NSD3: variants seen among roughly 807,000 people sequenced by gnomAD.
The protein encoded by NSD3 is nuclear receptor binding SET domain protein 3, also known as histone-lysine N-methyltransferase NSD3.
A neutral mutation model predicts 160.8 loss-of-function variants in NSD3; 24 were observed. The observed-to-expected ratio is 0.15, with a 90% CI of 0.11 to 0.21. The LOEUF (loss-of-function observed/expected upper bound fraction) is 0.21. Among genes scored for constraint, NSD3 ranks in the 10% least tolerant of loss-of-function variants. The pLI, the probability that NSD3 is intolerant of heterozygous loss-of-function variation, is 1.00. For synonymous variants in NSD3, 520 were observed against 600.0 expected, an observed-to-expected ratio of 0.87 and a Z score of 1.95; for missense variants, 1,157 against 1,735.9, an observed-to-expected ratio of 0.67 and a Z score of 5.93.
intron 3 of NSD3, among the ~76,000 whole-genome samples, chr8:38,338,035 C>A (rs1435523576): frequency 6.6e-6 from 1 of 152,176 alleles, no homozygotes; most frequent in Non-Finnish European, 1.5e-5. Flanking sequence ...GGCGCGGTGG[C>A]TCACGCCTGT....
chr8:38,346,050 G>C (rs1810515333), intron 2 of NSD3, among the ~76,000 whole-genome samples: 1 of 151,754 alleles, frequency 6.6e-6, no homozygotes, highest in Non-Finnish European at 1.5e-5. Context: ...ATTGCAAAAT[G>C]ACTACTAGAA....
rs1027800441 is a variant in NSD3 at position 38,321,414 on chromosome 8, T to C, written c.1709-242A>G. Among the ~76,000 whole-genome samples the C allele has an allele frequency of 1.3e-5, 2 of 152,166 alleles. No homozygotes were observed. Among genetic ancestry groups the C allele is most frequent in the African/African-American group, 4.8e-5 (2 of 41,436 alleles). ...CCTAAATTATACAAATAAAGGGGGATTGGTTTTTTAAAAATTGAAAAGTCA... is the reference window on the plus strand; with the variant it reads ...CCTAAATTATACAAATAAAGGGGGACTGGTTTTTTAAAAATTGAAAAGTCA... On this transcript the variant is annotated intron_variant, in intron 7 of 23. Transcript: ENST00000317025. The surrounding 1 kb of genome is among the most constrained non-coding windows in gnomAD (Gnocchi z 4.7).
Position 38,275,651 on chromosome 8 carries a change from ACTT to A in NSD3, c.4301_4303del (p.Glu1434del), listed in dbSNP as rs764324429. 52 of 1,613,580 alleles carry A rather than the reference ACTT, an allele frequency of 3.2e-5. No individual in the cohort carries two copies. Among genetic ancestry groups the A allele is most frequent in the Non-Finnish European group, 4.2e-5 (49 of 1,179,798 alleles). ...GGGGACACCACACATTTATTCTTTT[ACTT>A]CTTCTCCATGATCTTGTGATTCCCA... On this transcript the variant is annotated inframe_deletion, in exon 24 of 24. Transcript: ENST00000317025.
At chr8:38,340,909 T>C (rs1023377491) in intron 2 of NSD3, among the ~76,000 whole-genome samples, 3 of 152,128 alleles carry the variant, frequency 2.0e-5, no homozygotes, top group African/African-American at 7.2e-5. Flanking sequence ...GGCTCACACC[T>C]GTCAGTACTT....
intron 1 of NSD3, among the ~76,000 whole-genome samples, chr8:38,359,690 T>C (rs1180360233): frequency 1.3e-5 from 2 of 152,234 alleles, no homozygotes; most frequent in Non-Finnish European, 2.9e-5. Context: ...TTTGGTACAG[T>C]GACTATACAA....
intron 5 of NSD3, among the ~76,000 whole-genome samples, chr8:38,330,999 C>T (rs781086167): frequency 6.6e-6 from 1 of 152,116 alleles, no homozygotes; most frequent in Non-Finnish European, 1.5e-5. Flanking sequence ...TGCTTAAAAG[C>T]ATACCTGTTT....
intron 1 of NSD3, among the ~76,000 whole-genome samples, chr8:38,373,934 CAAAAAAAAAA>C (rs61532119): frequency 3.2e-4 from 8 of 25,146 alleles, no homozygotes; most frequent in African/African-American, 1.1e-3. Flanking sequence ...TCTGTCTCTA[CAAAAAAAAAA>C]AAAAAAAAAA....
chr8:38,290,530 T>G lies in NSD3; in HGVS notation c.3063A>C (p.Glu1021Asp), dbSNP rs1687374939. ...VHQGRVFPYV[E>D]GDKSFAEGQT... ...GCCCTTCAGCAAAGCTTTTGTCTCC[T>G]TCAACATAAGGGAACACTCTGCCCT... The change falls in exon 17 of 24, where the codon GAA becomes GAC. Residue 1021 changes from glutamate to aspartate, a missense_variant. By Grantham distance (45) the Glu-to-Asp change is conservative. This residue lies in a region of NSD3 where 437 missense variants were observed against 576.6 expected (regional missense o/e 0.76). Transcript: ENST00000317025. The G allele has an allele frequency of 6.2e-7, 1 of 1,614,044 alleles. No homozygotes were observed. The highest frequency in any genetic ancestry group is 8.5e-7 in the Non-Finnish European group (1 of 1,180,032).
chr8:38,318,797 G>T lies in NSD3; in HGVS notation c.1855+98C>A. On this transcript the variant is annotated intron_variant, in intron 9 of 23. Coordinates refer to ENST00000317025, the MANE Select transcript of NSD3 (RefSeq NM_023034.2). The surrounding 1 kb of genome is among the most constrained non-coding windows in gnomAD (Gnocchi z 5.3). ...CAATTTCACACTGAAGAGCAACAAC[G>T]ATTTACAGAGACAGACAAAAATACA... The T allele has an allele frequency of 8.4e-7, 1 of 1,188,278 alleles. No homozygotes were observed. The highest frequency in any genetic ancestry group is 1.2e-6 in the Non-Finnish European group (1 of 807,084). The allele number at this position is 1,188,278 out of a possible 1,614,324, so 73.6% of individuals were successfully genotyped here.
At chr8:38,290,829 A>G (rs1808984249) in intron 16 of NSD3, 152 bp from the exon 17 acceptor site, 2 of 657,788 alleles carry the variant, frequency 3.0e-6, no homozygotes, top group Non-Finnish European at 2.6e-6. Flanking sequence ...TATAAAAAGT[A>G]ATTAATGAAA....
chr8:38,296,088 T>C (rs1809131798), intron 15 of NSD3, 136 bp from the exon 16 acceptor site: 1 of 881,002 alleles, frequency 1.1e-6, no homozygotes, highest in Non-Finnish European at 1.7e-6. Flanking sequence ...GAGTCATATC[T>C]ACAGTGATGG....
chr8:38,372,814 TAAA>T (rs750072695), intron 1 of NSD3, among the ~76,000 whole-genome samples: 1 of 121,812 alleles, frequency 8.2e-6, no homozygotes. Context: ...TTACTATTAT[TAAA>T]AAAAAAAAAA....
At chr8:38,282,733 C>T (rs1387873158) in intron 19 of NSD3, among the ~76,000 whole-genome samples, 1 of 152,136 alleles carries the variant, frequency 6.6e-6, no homozygotes, top group African/African-American at 2.4e-5. Flanking sequence ...TAGTACAGAA[C>T]CTTTTGAGAT....
chr8:38,309,974 T>A (rs1260505718), intron 12 of NSD3, among the ~76,000 whole-genome samples: 1 of 152,214 alleles, frequency 6.6e-6, no homozygotes, highest in African/African-American at 2.4e-5. Flanking sequence ...GTTAGAAGTG[T>A]ACCAAATAGG....
chr8:38,334,618 G>A (rs745466652), intron 4 of NSD3, among the ~76,000 whole-genome samples: 8 of 151,908 alleles, frequency 5.3e-5, no homozygotes, highest in African/African-American at 1.7e-4. Flanking sequence ...AAAATTAGCC[G>A]GTGTGGTGGT....
intron 2 of NSD3, among the ~76,000 whole-genome samples, chr8:38,338,814 T>C (rs986414413): frequency 6.6e-6 from 1 of 152,132 alleles, no homozygotes; most frequent in Non-Finnish European, 1.5e-5. Flanking sequence ...ATATCATAGC[T>C]TTATCTCCTT....
Position 38,319,295 on chromosome 8 carries a change from C to T in NSD3, c.1810-355G>A, listed in dbSNP as rs1340227289. 1.0e-5 allele frequency: 2 copies of T among 200,094 alleles called. No individual in the cohort carries two copies. Among genetic ancestry groups the T allele is most frequent in the Non-Finnish European group, 2.0e-5 (2 of 100,052 alleles). 12.4% of individuals were successfully genotyped at this position (200,094 alleles called of 1,614,324 possible). A position where few individuals can be genotyped will look rare whatever the true frequency, so the allele number is the denominator to read the frequency against. ...CCCCAATGTTGCTAAAAACCCCTCC[C>T]GCCCCAAAGACGTTAGGATAAATTT... is the stretch of plus-strand genomic sequence containing the variant. On this transcript the variant is annotated intron_variant, in intron 8 of 23. Transcript: ENST00000317025. The surrounding 1 kb of genome is among the most constrained non-coding windows in gnomAD (Gnocchi z 4.1).
intron 16 of NSD3, among the ~76,000 whole-genome samples, chr8:38,295,470 G>C (rs534911934): frequency 6.6e-6 from 1 of 152,256 alleles, no homozygotes; most frequent in Admixed American, 6.5e-5. Flanking sequence ...GCTGAGGTGG[G>C]AGGATGGCTT....
intron 1 of NSD3, chr8:38,380,665 T>G (rs1486081872): frequency 1.3e-5 from 2 of 152,230 alleles, no homozygotes; most frequent in African/African-American, 4.8e-5. Flanking sequence ...ATCAAAAAGG[T>G]AGTGATGGAA....
Sources: gnomAD v4.1 joint callset for allele counts (sites outside exome capture counted in the v4.1 genomes callset) on GRCh38, gnomAD v4.1.1 for gene constraint, gnomAD v4.1.1 regional missense constraint, Gnocchi (gnomAD v3.1) non-coding constraint, MANE v1.5 for transcripts, NCBI Gene and HGNC (gene_info 2026-07-23, HGNC 2026-07-21) for gene names.